TMTC2: variants seen among roughly 807,000 people sequenced by gnomAD.
TMTC2 encodes protein O-mannosyl-transferase TMTC2.
TMTC2 carries 43 observed loss-of-function variants against 82.4 expected under a neutral mutation model. That is an observed-to-expected ratio of 0.52 (90% CI 0.41 to 0.67). TMTC2 has a LOEUF of 0.67. Among genes scored for constraint, TMTC2 ranks in the 30% least tolerant of loss-of-function variants. The pLI, the probability that TMTC2 is intolerant of heterozygous loss-of-function variation, is 0.00. For missense variants in TMTC2, 919 were observed against 1,012.4 expected (o/e 0.91, Z 1.25); for synonymous variants, 408 against 381.9 (o/e 1.07, Z -0.80).
chr12:82,778,848 CAAAAAAAAAAAA>C (rs56354957), intron 1 of TMTC2, among the ~76,000 whole-genome samples: 8 of 23,448 alleles, frequency 3.4e-4, no homozygotes, highest in South Asian at 4.0e-3. Flanking sequence ...GACTCCGTCT[CAAAAAAAAAAAA>C]AAAAAAAAAA....
chr12:82,899,377 C>T (rs1265142174), intron 3 of TMTC2, among the ~76,000 whole-genome samples: 3 of 151,728 alleles, frequency 2.0e-5, no homozygotes, highest in Non-Finnish European at 4.4e-5. Context: ...TCCTCTTTTC[C>T]CTTCATAGCT....
intron 4 of TMTC2, among the ~76,000 whole-genome samples, chr12:82,963,533 A>C (rs1424035325): frequency 1.3e-5 from 2 of 151,542 alleles, no homozygotes; most frequent in East Asian, 3.9e-4. Flanking sequence ...AAGTTTCAGA[A>C]GTTAGCTAAT....
At chr12:83,063,577 A>G (rs544619721) in intron 11 of TMTC2, among the ~76,000 whole-genome samples, 1 of 151,886 alleles carries the variant, frequency 6.6e-6, no homozygotes, top group Non-Finnish European at 1.5e-5. Flanking sequence ...GAAGTTAATA[A>G]CTCACCCACC....
intron 7 of TMTC2, among the ~76,000 whole-genome samples, chr12:82,971,574 C>T (rs1038070414): frequency 4.6e-5 from 7 of 151,994 alleles, no homozygotes; most frequent in African/African-American, 1.7e-4. Context: ...TCTGTTTGAG[C>T]TCTTCCAATC....
chr12:83,120,908 A>T (rs974575234), intron 11 of TMTC2, among the ~76,000 whole-genome samples: 2 of 152,128 alleles, frequency 1.3e-5, no homozygotes, highest in Non-Finnish European at 2.9e-5. Context: ...CTTGTCTTCG[A>T]GCTCTGAATT....
At chr12:82,762,798 A>G (rs889748545) in intron 1 of TMTC2, among the ~76,000 whole-genome samples, 1 of 152,162 alleles carries the variant, frequency 6.6e-6, no homozygotes, top group Non-Finnish European at 1.5e-5. Context: ...AAACAAATTA[A>G]TGAATAGGAA....
At position 82,930,681 on chromosome 12, in the gene TMTC2, G is replaced by A. The variant is rs117281433; in HGVS notation, c.1598+136G>A. 1.5e-3 allele frequency: 797 copies of A among 516,834 alleles called. 11 individuals carry two copies. The East Asian group carries it at 0.024, about 15-fold the overall frequency. The allele number at this position is 516,834 out of a possible 1,614,324, so 32.0% of individuals were successfully genotyped here. The stretch of plus-strand genomic sequence containing the variant: ...GTCTTTTTGTTAATCATGCCTCTGA[G>A]ACTATTAGGTGGATGGTGTTTGTGA... On this transcript the variant is annotated intron_variant, in intron 4 of 11. Transcript: ENST00000321196.
At position 82,946,963 on chromosome 12, in the gene TMTC2, C is replaced by T. The variant is rs533814271; in HGVS notation, c.1598+16418C>T. ...TTCGCAGTGTTAGCCAAGATGGTCT[C>T]GATCTCCTGACCTCGTAATCTGCCC... On this transcript the variant is annotated intron_variant, in intron 4 of 11. Transcript: ENST00000321196. 2.6e-5 allele frequency among the ~76,000 whole-genome samples: 4 copies of T among 152,060 alleles called. No homozygotes were observed. In the South Asian group the frequency reaches 6.2e-4, roughly 24 times the overall value.
At chr12:82,820,396 A>G (rs10862513) in intron 1 of TMTC2, among the ~76,000 whole-genome samples, 13,879 of 151,356 alleles carry the variant, frequency 0.092, 756 homozygotes, top group Middle Eastern at 0.2. Flanking sequence ...TTCGAGACAC[A>G]GTCTTGCTAT....
At chr12:83,059,149 G>A (rs9668579) in intron 10 of TMTC2, among the ~76,000 whole-genome samples, 3 of 151,000 alleles carry the variant, frequency 2.0e-5, no homozygotes, top group African/African-American at 2.4e-5. Context: ...CCCTAACAAC[G>A]TTATGGTTGA....
intron 2 of TMTC2, among the ~76,000 whole-genome samples, chr12:82,894,729 GTCC>G (rs1873570390): frequency 6.6e-6 from 1 of 152,072 alleles, no homozygotes; most frequent in South Asian, 2.1e-4. Flanking sequence ...TTAACATGAT[GTCC>G]TTTGACCCTC....
chr12:83,035,091 C>G (rs534481937), intron 9 of TMTC2, among the ~76,000 whole-genome samples: 2 of 152,232 alleles, frequency 1.3e-5, no homozygotes, highest in East Asian at 3.9e-4. Flanking sequence ...GAAATCCACT[C>G]TCTTGTGTGA....
At chr12:82,968,652 G>A (rs1218468058) in intron 7 of TMTC2, among the ~76,000 whole-genome samples, 1 of 152,118 alleles carries the variant, frequency 6.6e-6, no homozygotes, top group Non-Finnish European at 1.5e-5. Context: ...ATGGAAAGTG[G>A]TGATGATGTT....
At chr12:83,039,253 A>G (rs563883848) in intron 9 of TMTC2, among the ~76,000 whole-genome samples, 3 of 152,176 alleles carry the variant, frequency 2.0e-5, no homozygotes, top group South Asian at 4.1e-4. Flanking sequence ...ATCTTAATCT[A>G]TTGTTCAAGT....
At chr12:83,071,151 T>TG (rs201782605) in intron 11 of TMTC2, among the ~76,000 whole-genome samples, 8,988 of 139,424 alleles carry the variant, frequency 0.064, 315 homozygotes, top group Middle Eastern at 0.086. Context: ...CTGTAGTTGT[T>TG]TTTTTTTTTG....
intron 11 of TMTC2, among the ~76,000 whole-genome samples, chr12:83,116,378 A>G (rs1004105779): frequency 6.6e-6 from 1 of 152,168 alleles, no homozygotes; most frequent in Non-Finnish European, 1.5e-5. Flanking sequence ...TGCAATTGCA[A>G]ATTGTGCTGC....
intron 1 of TMTC2, among the ~76,000 whole-genome samples, chr12:82,828,191 C>T (rs1281885443): frequency 6.7e-6 from 1 of 149,410 alleles, no homozygotes; most frequent in Non-Finnish European, 1.5e-5. Context: ...CCGTGCCTGG[C>T]CCTTTTGCTT....
intron 4 of TMTC2, among the ~76,000 whole-genome samples, chr12:82,947,941 G>T (rs1012032561): frequency 1.3e-5 from 2 of 152,070 alleles, no homozygotes; most frequent in Non-Finnish European, 2.9e-5. Flanking sequence ...TTTGGCTCCT[G>T]CTTCCATGAC....
chr12:83,076,962 A>G (rs1366340757), intron 11 of TMTC2, among the ~76,000 whole-genome samples: 1 of 152,226 alleles, frequency 6.6e-6, no homozygotes, highest in Non-Finnish European at 1.5e-5. Context: ...ATTAATTTCT[A>G]TTGAAAGTTC....
Sources: allele counts gnomAD v4.1 joint callset (sites outside exome capture counted in the v4.1 genomes callset), GRCh38; gene constraint gnomAD v4.1.1; transcripts MANE v1.5; gene names NCBI Gene and HGNC (gene_info 2026-07-23, HGNC 2026-07-21).